The following RUSF1 variants were observed in gnomAD, a reference collection of about 807,000 sequenced individuals.
The protein encoded by RUSF1 is RUS family member 1, also known as RUS1 family protein C16orf58.
A neutral mutation model predicts 63.0 loss-of-function variants in RUSF1; 58 were observed. The ratio of observed to expected loss-of-function variants is 0.92; its 90% confidence interval spans 0.75 to 1.15. The LOEUF (loss-of-function observed/expected upper bound fraction) is 1.15, where lower values mean the gene tolerates loss of function less well. RUSF1 is among the 50% of genes most tolerant of loss of function. RUSF1 has a pLI of 0.00. For synonymous variants in RUSF1, 274 were observed against 255.8 expected (o/e 1.07, Z -0.68); for missense variants, 652 against 611.0 (o/e 1.07, Z -0.71).
chr16:31,492,297 G>A lies in RUSF1; in HGVS notation c.1131C>T (p.Thr377=). ...VVLNQKAGPK[T]ILRAATHGLM... ...GCCCATGTGTGGCGGCCCTTAGGAT[G>A]GTCTTGGGGCCTGCCTTCTGGTTCA... Residue 377 remains threonine, a synonymous_variant, in exon 11 of 13, where the codon ACC becomes ACT. Coordinates refer to ENST00000327237, the MANE Select transcript of RUSF1 (RefSeq NM_022744.4). 1 of 1,606,464 alleles carries A rather than the reference G, an allele frequency of 6.2e-7. No homozygotes were observed. The highest frequency in any genetic ancestry group is 2.2e-5 in the East Asian group (1 of 44,754).
intron 2 of RUSF1, 81 bp from the exon 3 acceptor site, chr16:31,500,812 G>C: frequency 7.0e-7 from 1 of 1,435,648 alleles, no homozygotes; most frequent in Non-Finnish European, 9.5e-7. Context: ...CACTGAACTG[G>C]CCAATTCACT....
intron 12 of RUSF1, 119 bp from the exon 13 acceptor site, chr16:31,491,051 G>T: frequency 1.1e-6 from 1 of 899,354 alleles, no homozygotes; most frequent in Non-Finnish European, 1.7e-6. Flanking sequence ...GGGTGAGTAT[G>T]GCATAAAATG....
Position 31,496,790 on chromosome 16 carries a change from G to A in RUSF1, c.702+59C>T, listed in dbSNP as rs972426715. 7 of 1,414,846 alleles carry A rather than the reference G, an allele frequency of 4.9e-6. No individual in the cohort carries two copies. The African/African-American group carries it at 1.0e-4, about 20-fold the overall frequency. 87.6% of individuals were successfully genotyped at this position (1,414,846 alleles called of 1,614,324 possible). A position where few individuals can be genotyped will look rare whatever the true frequency, so the allele number is the denominator to read the frequency against. ...TTCCTGGGCCCTCCAGGGCACTCAA[G>A]TGGCTTCTCTCCCCTTCCCCTCCCC... On this transcript the variant is annotated intron_variant, in intron 6 of 12. Transcript: ENST00000327237.
At chr16:31,496,572 G>A (rs970211636) in intron 6 of RUSF1, among the ~76,000 whole-genome samples, 1 of 152,178 alleles carries the variant, frequency 6.6e-6, no homozygotes, top group African/African-American at 2.4e-5. Context: ...TGACATGTGG[G>A]GCCTCATGTG....
At position 31,490,479 on chromosome 16, in the gene RUSF1, C is replaced by G. The variant is rs371778694; in HGVS notation, c.*356G>C. ...CCCGAGCTGGGCCCGTGTGGTCAAC[C>G]TCAATGCCCTGCTCATGATGGCAGT... On this transcript the variant is annotated 3_prime_UTR_variant, in exon 13 of 13. Transcript: ENST00000327237. The G allele has an allele frequency of 2.5e-6, 4 of 1,613,890 alleles. No homozygotes were observed. In the African/African-American group the frequency reaches 5.3e-5, roughly 22 times the overall value.
intron 2 of RUSF1, among the ~76,000 whole-genome samples, chr16:31,502,583 C>A (rs576582015): frequency 1.7e-4 from 26 of 152,362 alleles, no homozygotes; most frequent in African/African-American, 6.3e-4. Flanking sequence ...TCTCTCACGG[C>A]CAGCATCAGC....
chr16:31,505,427 CCTGGGCCCA>C (rs2082653844), intron 2 of RUSF1, among the ~76,000 whole-genome samples: 1 of 152,052 alleles, frequency 6.6e-6, no homozygotes, highest in South Asian at 2.1e-4. Flanking sequence ...GTGCCGGTCC[CCTGGGCCCA>C]CTGTTCTTTC....
chr16:31,496,037 A>C (rs1165639541), intron 6 of RUSF1, among the ~76,000 whole-genome samples: 1 of 152,164 alleles, frequency 6.6e-6, no homozygotes, highest in African/African-American at 2.4e-5. Context: ...TAATTTCCTC[A>C]TCTGTAAACT....
chr16:31,494,472 C>T (rs1289098329), intron 6 of RUSF1, among the ~76,000 whole-genome samples: 3 of 151,474 alleles, frequency 2.0e-5, no homozygotes, highest in South Asian at 2.1e-4. Context: ...GCTGAGATCA[C>T]GCCACTTCAC....
At chr16:31,497,194 G>A (rs2082608252) in intron 5 of RUSF1, among the ~76,000 whole-genome samples, 1 of 151,900 alleles carries the variant, frequency 6.6e-6, no homozygotes, top group Non-Finnish European at 1.5e-5. Context: ...CCAAGGTGGA[G>A]GCCCAAAGAT....
intron 2 of RUSF1, among the ~76,000 whole-genome samples, chr16:31,505,394 G>C (rs1380146484): frequency 6.6e-6 from 1 of 152,108 alleles, no homozygotes; most frequent in Non-Finnish European, 1.5e-5. Flanking sequence ...GACCAGTGCT[G>C]GTGCTGGTCC....
chr16:31,495,693 G>C (rs2082598585), intron 6 of RUSF1, among the ~76,000 whole-genome samples: 1 of 152,004 alleles, frequency 6.6e-6, no homozygotes, highest in Non-Finnish European at 1.5e-5. Context: ...AGGTTCAGAA[G>C]AGACAATGGG....
chr16:31,498,671 GC>G (rs2082616982), intron 5 of RUSF1, among the ~76,000 whole-genome samples: 1 of 152,104 alleles, frequency 6.6e-6, no homozygotes, highest in Non-Finnish European at 1.5e-5. Flanking sequence ...GTGTGCTTGA[GC>G]CCCGCGTGTC....
In RUSF1 at chr16:31,490,341, C is replaced by T. The variant is rs962089914; in HGVS notation, c.*494G>A. ...GGCCCCGGCACCAAGCCTCTTCCGCCAGTGCCTGCTCTGGTTTTGTGGAAT... is the reference window on the plus strand; with the variant it reads ...GGCCCCGGCACCAAGCCTCTTCCGCTAGTGCCTGCTCTGGTTTTGTGGAAT... On this transcript the variant is annotated 3_prime_UTR_variant, in exon 13 of 13. Transcript: ENST00000327237. 6.2e-7 allele frequency: 1 copy of T among 1,612,728 alleles called. No individual in the cohort carries two copies. Among genetic ancestry groups the T allele is most frequent in the East Asian group, 2.2e-5 (1 of 44,864 alleles).
In RUSF1 at chr16:31,490,429, G is replaced by C. The variant is rs1326389375; in HGVS notation, c.*406C>G. On this transcript the variant is annotated 3_prime_UTR_variant, in exon 13 of 13. Coordinates refer to ENST00000327237, the MANE Select transcript of RUSF1 (RefSeq NM_022744.4). ...CAGGAGGAGGCAGCGGCAGCAGCCA[G>C]GCGGCTGGAGGACATCAGCGAGGAC... 6.2e-6 allele frequency: 10 copies of C among 1,613,752 alleles called. No homozygotes were observed. Among genetic ancestry groups the C allele is most frequent in the Non-Finnish European group, 8.5e-6 (10 of 1,179,960 alleles).
intron 5 of RUSF1, among the ~76,000 whole-genome samples, chr16:31,498,946 C>G (rs868684078): frequency 4.6e-5 from 7 of 152,260 alleles, no homozygotes; most frequent in African/African-American, 1.7e-4. Context: ...CTTTCAAAGA[C>G]GGGGGCCCAC....
At chr16:31,495,976 G>A (rs1044595996) in intron 6 of RUSF1, among the ~76,000 whole-genome samples, 4 of 152,192 alleles carry the variant, frequency 2.6e-5, no homozygotes, top group Admixed American at 6.5e-5. Context: ...TTTCTAAATT[G>A]CTTCAGTGTC....
At chr16:31,503,031 T>C (rs1170851306) in intron 2 of RUSF1, among the ~76,000 whole-genome samples, 1 of 152,272 alleles carries the variant, frequency 6.6e-6, no homozygotes, top group African/African-American at 2.4e-5. Context: ...TACCTTTCCA[T>C]GGATCATCAG....
intron 12 of RUSF1, among the ~76,000 whole-genome samples, chr16:31,491,739 G>A (rs2082569876): frequency 6.6e-6 from 1 of 151,322 alleles, no homozygotes; most frequent in Non-Finnish European, 1.5e-5. Context: ...AGCCTCCTGA[G>A]TAGCTGCAAC....
Sources: gnomAD v4.1 joint callset for allele counts (sites outside exome capture counted in the v4.1 genomes callset) on GRCh38, gnomAD v4.1.1 for gene constraint, MANE v1.5 for transcripts, NCBI Gene and HGNC (gene_info 2026-07-23, HGNC 2026-07-21) for gene names.